CYP46A1: variants seen among roughly 807,000 people sequenced by gnomAD.
The protein encoded by CYP46A1 is cholesterol 24-hydroxylase.
Under a neutral mutation model 63.3 loss-of-function variants are expected in CYP46A1, and 20 were observed. The ratio of observed to expected loss-of-function variants is 0.32; its 90% CI spans 0.22 to 0.46. The LOEUF is 0.46. Among genes scored for constraint, CYP46A1 ranks in the 20% least tolerant of loss-of-function variants. The probability of loss-of-function intolerance (pLI) is 1.00; values close to 1 mark genes in which losing one functional copy is unlikely to be tolerated. For missense variants in CYP46A1, 445 were observed against 670.8 expected, an observed-to-expected ratio of 0.66 and a Z score of 3.72; for synonymous variants, 268 against 273.6, an observed-to-expected ratio of 0.98 and a Z score of 0.20.
intron 7 of CYP46A1, chr14:99,707,934 T>A (rs2056693849): frequency 2.2e-6 from 1 of 447,050 alleles, no homozygotes; most frequent in African/African-American, 2.0e-5. Context: ...GTAGGATGAC[T>A]ATGATGGCTC....
chr14:99,726,559 G>T lies in CYP46A1; in HGVS notation c.1335G>T (p.Met445Ile). 6.3e-7 allele frequency: 1 copy of T among 1,579,644 alleles called. No homozygotes were observed. Among genetic ancestry groups the T allele is most frequent in the African/African-American group, 1.3e-5 (1 of 74,316 alleles). ...RSCIGQQFAQMEVKVVMAKLL... is the reference protein window; with the variant it reads ...RSCIGQQFAQIEVKVVMAKLL... ...CTCATTTTGCCCGCTGGGCCCAGAT[G>T]GAGGTGAAGGTGGTCATGGCAAAGC... The change falls in exon 15 of 15, where the codon ATG becomes ATT. Residue 445 changes from methionine to isoleucine, a missense_variant and splice_region_variant. Met to Ile is a conservative substitution (Grantham distance 10, BLOSUM62 1). Transcript: ENST00000261835.
chr14:99,711,303 G>A (rs947629921), intron 7 of CYP46A1: 1 of 151,830 alleles, frequency 6.6e-6, no homozygotes, highest in African/African-American at 2.4e-5. Context: ...ATAAATATCA[G>A]TGCAGAATTA....
rs746917888 is a variant in CYP46A1 at position 99,726,174 on chromosome 14, C to A, written c.1266-16C>A. On this transcript the variant is annotated splice_polypyrimidine_tract_variant and intron_variant, in intron 13 of 14. Coordinates refer to ENST00000261835, the MANE Select transcript of CYP46A1 (RefSeq NM_006668.2). ...CCTGGGGCTGCTGGCCTCGTGATTCCTCTCTTTCCCTGCAGGCCACGGTTC... is the reference window on the plus strand; with the variant it reads ...CCTGGGGCTGCTGGCCTCGTGATTCATCTCTTTCCCTGCAGGCCACGGTTC... The A allele has an allele frequency of 2.5e-6, 4 of 1,613,082 alleles. No individual in the cohort carries two copies. The highest frequency in any genetic ancestry group is 1.7e-4 in the Middle Eastern group (1 of 6,058).
Position 99,700,015 on chromosome 14 carries a change from A to G in CYP46A1, c.357A>G (p.Arg119=). ...CGCATCACGTGTGTGTCTCCTACAGACTCTTCGGCCAAGGCTTGGTGTCCG... is the reference window on the plus strand; with the variant it reads ...CGCATCACGTGTGTGTCTCCTACAGGCTCTTCGGCCAAGGCTTGGTGTCCG... ...YRALQTVFGE[R]LFGQGLVSEC... Residue 119 remains arginine (R), a splice_region_variant and synonymous_variant, in exon 5 of 15, where the codon AGA becomes AGG. Transcript: ENST00000261835. The G allele has an allele frequency of 7.2e-7, 1 of 1,398,134 alleles. No individual in the cohort carries two copies. Among genetic ancestry groups the G allele is most frequent in the Non-Finnish European group, 9.5e-7 (1 of 1,050,664 alleles). 86.6% of individuals were successfully genotyped at this position (1,398,134 alleles called of 1,614,324 possible).
rs901953649 is a variant in CYP46A1 at position 99,699,350 on chromosome 14, G to C, written c.283-116G>C. 8 of 929,312 alleles carry C rather than the reference G, an allele frequency of 8.6e-6. No individual in the cohort carries two copies. In the African/African-American group the frequency reaches 1.3e-4, roughly 15 times the overall value. 57.6% of individuals were successfully genotyped at this position (929,312 alleles called of 1,614,324 possible). On this transcript the variant is annotated intron_variant, in intron 3 of 14. Coordinates refer to ENST00000261835, the MANE Select transcript of CYP46A1 (RefSeq NM_006668.2). ...TTGTGTGGGATCATGCATGGGAAGT[G>C]GGCACACTGCGGCTGAGACTCAGCC...
At chr14:99,695,571 A>G (rs1318362577) in intron 3 of CYP46A1, 1 of 196,436 alleles carries the variant, frequency 5.1e-6, no homozygotes, top group Non-Finnish European at 1.1e-5. Context: ...TCTTTACTCC[A>G]AGTATATTTT....
chr14:99,706,264 C>T, intron 5 of CYP46A1: 1 of 171,664 alleles, frequency 5.8e-6, no homozygotes, highest in Non-Finnish European at 1.3e-5. Context: ...GTAAGGAGAG[C>T]AGGCAACGGG....
chr14:99,721,353 C>CG (rs778137468), intron 11 of CYP46A1, 30 bp downstream of exon 11: 2 of 1,448,336 alleles, frequency 1.4e-6, no homozygotes, highest in Non-Finnish European at 1.9e-6. Context: ...AGCTTCTGGG[C>CG]GGATGTGGGT....
chr14:99,691,688 G>A (rs2056544621), intron 2 of CYP46A1, 92 bp from the exon 3 acceptor site: 1 of 1,229,786 alleles, frequency 8.1e-7, no homozygotes, highest in Admixed American at 1.7e-5. Flanking sequence ...CACCTTCTGG[G>A]ACGGGAAACA....
At position 99,725,560 on chromosome 14, in the gene CYP46A1, C is replaced by A. The variant is rs989814082; in HGVS notation, c.1265+81C>A. ...AGCGGCCTCTGGTCTGAGCCAGAGG[C>A]ACCCACTCAGCCCACATAGCCTTCC... On this transcript the variant is annotated intron_variant, in intron 13 of 14. Transcript: ENST00000261835. This position sits in a 1 kb window ranked among gnomAD's most constrained non-coding sequence, Gnocchi z 4.2. The A allele has an allele frequency of 1.6e-5, 16 of 1,032,068 alleles. No individual in the cohort carries two copies. In the African/African-American group the frequency reaches 2.2e-4, roughly 14 times the overall value. The allele number at this position is 1,032,068 out of a possible 1,614,324, so 63.9% of individuals were successfully genotyped here. A position where few individuals can be genotyped will look rare whatever the true frequency, so the allele number is the denominator to read the frequency against.
chr14:99,692,455 C>G (rs908278387), intron 3 of CYP46A1, among the ~76,000 whole-genome samples: 5 of 152,126 alleles, frequency 3.3e-5, no homozygotes, highest in African/African-American at 1.2e-4. Flanking sequence ...AGGAGAATCA[C>G]TTGAACCTGG....
At chr14:99,697,826 G>T (rs773409851) in intron 3 of CYP46A1, among the ~76,000 whole-genome samples, 3 of 152,242 alleles carry the variant, frequency 2.0e-5, no homozygotes, top group African/African-American at 4.8e-5. Flanking sequence ...GGGGGTGCCT[G>T]GTTGTGGGGG....
chr14:99,701,960 C>T (rs1368687904), intron 5 of CYP46A1, among the ~76,000 whole-genome samples: 3 of 151,074 alleles, frequency 2.0e-5, no homozygotes, highest in Non-Finnish European at 4.4e-5. Flanking sequence ...ATCCCAGCTA[C>T]GCGGGAGGCT....
intron 9 of CYP46A1, among the ~76,000 whole-genome samples, chr14:99,717,380 A>G (rs1195199379): frequency 5.3e-5 from 8 of 152,090 alleles, no homozygotes; most frequent in Non-Finnish European, 1.0e-4. Context: ...CGAGGAGGGA[A>G]GTGGCCTCCT....
intron 7 of CYP46A1, among the ~76,000 whole-genome samples, chr14:99,714,741 CAA>C (rs2056771570): frequency 1.0e-5 from 1 of 97,196 alleles, no homozygotes; most frequent in African/African-American, 4.0e-5. Context: ...GCCTGGGCAA[CAA>C]GAGTGAAACC....
At chr14:99,711,990 T>G (rs2056736571) in intron 7 of CYP46A1, 1 of 152,124 alleles carries the variant, frequency 6.6e-6, no homozygotes, top group Non-Finnish European at 1.5e-5. Flanking sequence ...CATACACAAG[T>G]CAATAAATGT....
In CYP46A1 at chr14:99,725,562, C is replaced by A; in HGVS notation, c.1265+83C>A. ...CGGCCTCTGGTCTGAGCCAGAGGCA[C>A]CCACTCAGCCCACATAGCCTTCCAG... is the stretch of plus-strand genomic sequence containing the variant. On this transcript the variant is annotated intron_variant, in intron 13 of 14. Transcript: ENST00000261835. This position sits in a 1 kb window ranked among gnomAD's most constrained non-coding sequence, Gnocchi z 4.2. 1.1e-6 allele frequency: 1 copy of A among 935,808 alleles called. No individual in the cohort carries two copies. Among genetic ancestry groups the A allele is most frequent in the Non-Finnish European group, 1.7e-6 (1 of 576,306 alleles). 58.0% of individuals were successfully genotyped at this position (935,808 alleles called of 1,614,324 possible). A position where few individuals can be genotyped will look rare whatever the true frequency, so the allele number is the denominator to read the frequency against.
chr14:99,703,004 C>G (rs2056645168), intron 5 of CYP46A1, among the ~76,000 whole-genome samples: 1 of 152,178 alleles, frequency 6.6e-6, no homozygotes, highest in Non-Finnish European at 1.5e-5. Context: ...CTTTGGCTTT[C>G]TTTACCTTAA....
At chr14:99,714,762 A>AG (rs1196240661) in intron 7 of CYP46A1, among the ~76,000 whole-genome samples, 1 of 147,696 alleles carries the variant, frequency 6.8e-6, no homozygotes, top group Non-Finnish European at 1.5e-5. Context: ...CCCCATCTCA[A>AG]AAAAAAAAAA....
Sources: allele counts gnomAD v4.1 joint callset (sites outside exome capture counted in the v4.1 genomes callset), GRCh38; gene constraint gnomAD v4.1.1; non-coding constraint Gnocchi (gnomAD v3.1); transcripts MANE v1.5; gene names NCBI Gene and HGNC (gene_info 2026-07-23, HGNC 2026-07-21).